GPBP1: variants seen among roughly 807,000 people sequenced by gnomAD.
GPBP1 encodes the protein vasculin.
A neutral mutation model predicts 56.5 loss-of-function variants in GPBP1; 13 were observed. The ratio of observed to expected loss-of-function variants is 0.23; its 90% CI spans 0.15 to 0.37. GPBP1 has a LOEUF of 0.37. GPBP1 is among the 10% of genes least tolerant of loss of function. The pLI is 1.00. For missense variants in GPBP1, 477 were observed against 572.3 expected, an observed-to-expected ratio of 0.83 and a Z score of 1.70; for synonymous variants, 204 against 188.9, an observed-to-expected ratio of 1.08 and a Z score of -0.66.
intron 2 of GPBP1, among the ~76,000 whole-genome samples, chr5:57,198,361 C>T (rs1754856464): frequency 6.6e-6 from 1 of 152,036 alleles, no homozygotes; most frequent in Non-Finnish European, 1.5e-5. Flanking sequence ...CTTTATTATT[C>T]TTTAACTCCT....
chr5:57,260,584 A>G (rs894324947), intron 10 of GPBP1, among the ~76,000 whole-genome samples: 9 of 152,228 alleles, frequency 5.9e-5, no homozygotes, highest in African/African-American at 2.2e-4. Context: ...ATTTTGGTGC[A>G]GAATTTTTTT....
intron 2 of GPBP1, among the ~76,000 whole-genome samples, chr5:57,191,230 C>T (rs149125064): frequency 2.0e-4 from 31 of 152,038 alleles, no homozygotes; most frequent in Admixed American, 1.4e-3. Flanking sequence ...AATTAACAGG[C>T]GCTTGCCATC....
rs545682300 is a variant in GPBP1 at position 57,200,913 on chromosome 5, C to T, written c.-57-13161C>T. ...CAGGATGGTCTTGATTTGCTGACCT[C>T]GTGATTCGCCCACCTCGGCCTCCCA... On this transcript the variant is annotated intron_variant, in intron 2 of 11. Coordinates refer to ENST00000506184, the MANE Select transcript of GPBP1 (RefSeq NM_022913.4). Among the ~76,000 whole-genome samples the T allele has an allele frequency of 4.0e-5, 6 of 151,670 alleles. 1 individual carries two copies. The East Asian group carries it at 7.8e-4, about 20-fold the overall frequency.
At position 57,250,990 on chromosome 5, in the gene GPBP1, A is replaced by G; in HGVS notation, c.1009A>G (p.Thr337Ala). The change falls in exon 10 of 12, where the codon ACT becomes GCT. Residue 337 changes from threonine (T) to alanine (A), a missense_variant. Thr to Ala is a moderately conservative substitution (Grantham distance 58). Transcript: ENST00000506184. The part of the protein sequence containing the change: ...DSFNLHNSNS[T>A]HQERDINRNF... ...ATTTAATTTACATAACAGCAATAGT[A>G]CTCACCAAGAAAGGGATATAAACCG... is the stretch of plus-strand genomic sequence containing the variant. 1.2e-6 allele frequency: 2 copies of G among 1,609,944 alleles called. No homozygotes were observed. The highest frequency in any genetic ancestry group is 1.7e-6 in the Non-Finnish European group (2 of 1,177,942).
intron 2 of GPBP1, among the ~76,000 whole-genome samples, chr5:57,205,167 C>T (rs1755178226): frequency 6.6e-6 from 1 of 152,126 alleles, no homozygotes; most frequent in Middle Eastern, 3.2e-3. Context: ...ATGAATTTAC[C>T]TCTTATGAAT....
chr5:57,259,274 A>T (rs940136821), intron 10 of GPBP1, among the ~76,000 whole-genome samples: 2 of 152,184 alleles, frequency 1.3e-5, no homozygotes, highest in African/African-American at 4.8e-5. Context: ...TTGATTGTTC[A>T]TGTGTAAAAT....
intron 3 of GPBP1, among the ~76,000 whole-genome samples, chr5:57,228,155 CTTT>C (rs1756277939): frequency 6.6e-6 from 1 of 152,058 alleles, no homozygotes; most frequent in African/African-American, 2.4e-5. Flanking sequence ...CCTATATAGT[CTTT>C]TTAGAATATC....
At chr5:57,179,986 G>A (rs1234094614) in intron 2 of GPBP1, among the ~76,000 whole-genome samples, 1 of 152,050 alleles carries the variant, frequency 6.6e-6, no homozygotes, top group Non-Finnish European at 1.5e-5. Context: ...GAGGAGTAAT[G>A]GGGAAAGAAC....
intron 3 of GPBP1, among the ~76,000 whole-genome samples, chr5:57,216,866 C>T (rs551364826): frequency 4.1e-5 from 3 of 72,370 alleles, no homozygotes; most frequent in East Asian, 8.8e-4. Context: ...ATATCTGGAA[C>T]GCTTTTTTTT....
intron 2 of GPBP1, among the ~76,000 whole-genome samples, chr5:57,198,931 G>A (rs1378538629): frequency 6.6e-6 from 1 of 152,118 alleles, no homozygotes; most frequent in East Asian, 1.9e-4. Context: ...ATAATTTTAT[G>A]CTTAAAAGTA....
chr5:57,236,961 C>T, intron 6 of GPBP1: 1 of 597,204 alleles, frequency 1.7e-6, no homozygotes, highest in Non-Finnish European at 2.9e-6. Context: ...TGAGGTGAAA[C>T]TCGGGAATTA....
chr5:57,237,245 TTA>T (rs1435501057), intron 6 of GPBP1: 2 of 966,468 alleles, frequency 2.1e-6, no homozygotes, highest in African/African-American at 1.6e-5. Context: ...CTGGAAGGTG[TTA>T]AATAGAATCT....
At chr5:57,224,314 C>T (rs1756084802) in intron 3 of GPBP1, among the ~76,000 whole-genome samples, 1 of 151,562 alleles carries the variant, frequency 6.6e-6, no homozygotes, top group Non-Finnish European at 1.5e-5. Context: ...ACAATCTCAG[C>T]TCACTGCAGC....
chr5:57,252,731 T>G (rs1741453817), intron 10 of GPBP1, among the ~76,000 whole-genome samples: 1 of 151,430 alleles, frequency 6.6e-6, no homozygotes, highest in African/African-American at 2.4e-5. Context: ...TTTTTTTTTT[T>G]GACAGGTCTT....
chr5:57,229,941 G>GCGTCCCGTCCCGTCC (rs112231997), intron 3 of GPBP1, among the ~76,000 whole-genome samples: 27,593 of 146,056 alleles, frequency 0.19, 3,247 homozygotes, highest in Middle Eastern at 0.25. Flanking sequence ...GCATCGCATC[G>GCGTCCCGTCCCGTCC]CGTCCCGTCC....
intron 10 of GPBP1, among the ~76,000 whole-genome samples, chr5:57,256,158 A>T (rs1184209299): frequency 6.6e-6 from 1 of 152,184 alleles, no homozygotes; most frequent in Non-Finnish European, 1.5e-5. Flanking sequence ...GAGGAGGCTG[A>T]AGCACAAGAA....
At chr5:57,245,686 G>C (rs576475445) in intron 6 of GPBP1, 1 of 152,126 alleles carries the variant, frequency 6.6e-6, no homozygotes, top group Admixed American at 6.5e-5. Flanking sequence ...GCAATTATTC[G>C]TAGTATTTAT....
At chr5:57,189,923 G>C (rs1320172073) in intron 2 of GPBP1, among the ~76,000 whole-genome samples, 1 of 152,080 alleles carries the variant, frequency 6.6e-6, no homozygotes, top group Non-Finnish European at 1.5e-5. Context: ...CTTTCTCTGA[G>C]ATTCTCTAAC....
chr5:57,178,237 A>G (rs1018424815), intron 2 of GPBP1, among the ~76,000 whole-genome samples: 1 of 152,086 alleles, frequency 6.6e-6, no homozygotes, highest in African/African-American at 2.4e-5. Context: ...CATAATATTT[A>G]TTATTTGTGA....
Sources: allele counts gnomAD v4.1 joint callset (sites outside exome capture counted in the v4.1 genomes callset), GRCh38; gene constraint gnomAD v4.1.1; transcripts MANE v1.5; gene names NCBI Gene and HGNC (gene_info 2026-07-23, HGNC 2026-07-21).